Variants in DGKB observed in about 807,000 individuals in gnomAD.
DGKB encodes 90 kDa diacylglycerol kinase.
DGKB carries 67 observed loss-of-function variants against 114.3 expected under a neutral mutation model. The observed-to-expected ratio is 0.59, with a 90% CI of 0.48 to 0.72. DGKB has a LOEUF of 0.72. DGKB is among the 30% of genes least tolerant of loss of function. DGKB has a pLI of 0.00. For missense variants in DGKB, 907 were observed against 975.2 expected, an observed-to-expected ratio of 0.93 and a Z score of 0.93; for synonymous variants, 398 against 323.1, an observed-to-expected ratio of 1.23 and a Z score of -2.49.
At chr7:14,155,330 A>G (rs1358382340) in intron 25 of DGKB, among the ~76,000 whole-genome samples, 1 of 152,110 alleles carries the variant, frequency 6.6e-6, no homozygotes, top group Non-Finnish European at 1.5e-5. Context: ...GAATAGATAC[A>G]TATGTATTTT....
At chr7:14,280,022 C>A (rs1266303277) in intron 23 of DGKB, among the ~76,000 whole-genome samples, 5 of 148,506 alleles carry the variant, frequency 3.4e-5, no homozygotes, top group African/African-American at 1.2e-4. Flanking sequence ...ATGACTTTGA[C>A]AAGCTGAGAG....
At chr7:14,350,453 GTAAC>G (rs1385480215) in intron 21 of DGKB, among the ~76,000 whole-genome samples, 1 of 151,894 alleles carries the variant, frequency 6.6e-6, no homozygotes, top group Non-Finnish European at 1.5e-5. Context: ...AGAATAAAAA[GTAAC>G]CTAATTAGAC....
intron 23 of DGKB, among the ~76,000 whole-genome samples, chr7:14,189,499 T>G (rs1783998159): frequency 6.6e-6 from 1 of 151,674 alleles, no homozygotes; most frequent in Non-Finnish European, 1.5e-5. Flanking sequence ...AAGAAAGAAA[T>G]AAGGAATCTA....
chr7:14,370,553 G>A (rs548096296), intron 21 of DGKB, among the ~76,000 whole-genome samples: 22 of 152,124 alleles, frequency 1.4e-4, no homozygotes, highest in Admixed American at 3.3e-4. Flanking sequence ...CTTCCTATCC[G>A]TGAGCATGGA....
rs73070739 is a variant in DGKB at position 14,802,425 on chromosome 7, A to T, written c.70+38769T>A. On this transcript the variant is annotated intron_variant, in intron 2 of 25. Transcript: ENST00000402815. ...CCACTAAAAGCTACTCAGCTTAATA[A>T]GGTCAGTAGTATGTTTTCTGGCTTC... Among the ~76,000 whole-genome samples, 230 of 152,280 alleles carry T rather than the reference A, an allele frequency of 1.5e-3. 1 individual carries two copies. In the Middle Eastern group the frequency reaches 0.02, roughly 14 times the overall value.
chr7:14,960,666 CAATG>C (rs1343369771), intron 1 of DGKB, among the ~76,000 whole-genome samples: 1 of 151,958 alleles, frequency 6.6e-6, no homozygotes, highest in African/African-American at 2.4e-5. Flanking sequence ...GTGAAACTGA[CAATG>C]AAAGTGAGGG....
At chr7:14,772,589 T>C (rs1837579464) in intron 2 of DGKB, among the ~76,000 whole-genome samples, 2 of 152,148 alleles carry the variant, frequency 1.3e-5, no homozygotes, top group Non-Finnish European at 2.9e-5. Flanking sequence ...TTAGATCACA[T>C]AGATAAAATA....
chr7:14,947,537 G>T (rs1195831064), intron 1 of DGKB, among the ~76,000 whole-genome samples: 1 of 131,736 alleles, frequency 7.6e-6, no homozygotes, highest in Non-Finnish European at 1.6e-5. Flanking sequence ...TAATTATATG[G>T]TTGTACAATA....
At chr7:14,452,234 T>C (rs1369652202) in intron 21 of DGKB, among the ~76,000 whole-genome samples, 1 of 152,018 alleles carries the variant, frequency 6.6e-6, no homozygotes, top group Non-Finnish European at 1.5e-5. Flanking sequence ...AAACTATAAA[T>C]CAGTAAGCAT....
At chr7:14,568,670 G>A (rs1399176395) in intron 20 of DGKB, among the ~76,000 whole-genome samples, 2 of 152,088 alleles carry the variant, frequency 1.3e-5, no homozygotes, top group Non-Finnish European at 2.9e-5. Context: ...GTCAGACCAC[G>A]GATAATTTGT....
chr7:14,808,141 T>C (rs1842985396), intron 2 of DGKB, among the ~76,000 whole-genome samples: 1 of 151,998 alleles, frequency 6.6e-6, no homozygotes, highest in African/African-American at 2.4e-5. Flanking sequence ...TACTGCAAAT[T>C]GTTGTTTTAT....
intron 2 of DGKB, among the ~76,000 whole-genome samples, chr7:14,828,908 T>C (rs943243214): frequency 6.6e-6 from 1 of 152,070 alleles, no homozygotes; most frequent in Admixed American, 6.6e-5. Flanking sequence ...GCCCCTGAAG[T>C]TGCCAGAGGA....
intron 21 of DGKB, among the ~76,000 whole-genome samples, chr7:14,444,424 A>G (rs1830468202): frequency 6.6e-6 from 1 of 151,800 alleles, no homozygotes; most frequent in Non-Finnish European, 1.5e-5. Context: ...TGTTCATTAG[A>G]AACATTATAT....
At chr7:14,760,730 C>T (rs1024504694) in intron 2 of DGKB, among the ~76,000 whole-genome samples, 1 of 152,096 alleles carries the variant, frequency 6.6e-6, no homozygotes, top group South Asian at 2.1e-4. Flanking sequence ...TTGGTTTCTC[C>T]CACATAGGCC....
At chr7:14,946,817 C>T (rs562870443) in intron 1 of DGKB, among the ~76,000 whole-genome samples, 10 of 151,744 alleles carry the variant, frequency 6.6e-5, no homozygotes, top group Non-Finnish European at 1.3e-4. Flanking sequence ...TAGTAAGATT[C>T]CTCTAACATT....
intron 14 of DGKB, among the ~76,000 whole-genome samples, chr7:14,623,799 C>T (rs1429732854): frequency 2.0e-5 from 3 of 152,044 alleles, no homozygotes; most frequent in South Asian, 4.1e-4. Flanking sequence ...TAATTTTATT[C>T]ATAGATAGTT....
At chr7:14,949,118 C>A (rs185520331) in intron 1 of DGKB, among the ~76,000 whole-genome samples, 9 of 151,818 alleles carry the variant, frequency 5.9e-5, no homozygotes, top group Non-Finnish European at 1.0e-4. Flanking sequence ...AGCCAAACAA[C>A]ATTTTTTACA....
At chr7:14,374,209 A>G (rs948165753) in intron 21 of DGKB, among the ~76,000 whole-genome samples, 1 of 152,154 alleles carries the variant, frequency 6.6e-6, no homozygotes, top group Non-Finnish European at 1.5e-5. Context: ...GATGACCTAC[A>G]AAGCAGTGGA....
chr7:14,758,923 A>AGATAGATAGAT (rs1835288027), intron 2 of DGKB, among the ~76,000 whole-genome samples: 1 of 149,796 alleles, frequency 6.7e-6, no homozygotes, highest in African/African-American at 2.5e-5. Context: ...ATAGATAGAT[A>AGATAGATAGAT]GATAGATAGA....
Sources: gnomAD v4.1 joint callset for allele counts (sites outside exome capture counted in the v4.1 genomes callset) on GRCh38, gnomAD v4.1.1 for gene constraint, MANE v1.5 for transcripts, NCBI Gene and HGNC (gene_info 2026-07-23, HGNC 2026-07-21) for gene names.